PLEKHG5: variants seen among roughly 807,000 people sequenced by gnomAD.
PLEKHG5 encodes the protein pleckstrin homology and RhoGEF domain containing G5, also known as pleckstrin homology domain-containing family G member 5.
A neutral mutation model predicts 103.8 loss-of-function variants in PLEKHG5; 52 were observed. The observed-to-expected ratio is 0.50, with a 90% CI of 0.40 to 0.63. PLEKHG5 has a LOEUF of 0.63. PLEKHG5 is among the 30% of genes least tolerant of loss of function. PLEKHG5 has a pLI of 0.00. For synonymous variants in PLEKHG5, 592 were observed against 575.5 expected, an observed-to-expected ratio of 1.03 and a Z score of -0.41; for missense variants, 1,205 against 1,347.6, an observed-to-expected ratio of 0.89 and a Z score of 1.66.
Position 6,490,498 on chromosome 1 carries a change from C to G in PLEKHG5, c.-88+1139G>C, listed in dbSNP as rs887383341. 1 of 985,142 alleles carries G rather than the reference C, an allele frequency of 1.0e-6. No individual in the cohort carries two copies. The highest frequency in any genetic ancestry group is 1.8e-5 in the African/African-American group (1 of 57,120). The allele number at this position is 985,142 out of a possible 1,614,324, so 61.0% of individuals were successfully genotyped here. A position where few individuals can be genotyped will look rare whatever the true frequency, so the allele number is the denominator to read the frequency against. On this transcript the variant is annotated intron_variant, in intron 1 of 20. Transcript: ENST00000377728. This position sits in a 1 kb window ranked among gnomAD's most constrained non-coding sequence, Gnocchi z 8.0. ...GGTGTCTAAGGCTCTAAGGCTCGGGCCGAGACTGCCAAAGCCTCATGGGGC... is the reference window on the plus strand; with the variant it reads ...GGTGTCTAAGGCTCTAAGGCTCGGGGCGAGACTGCCAAAGCCTCATGGGGC...
In PLEKHG5 at chr1:6,470,759, G is replaced by T; in HGVS notation, c.1518C>A (p.Arg506=). The T allele has an allele frequency of 6.4e-7, 1 of 1,562,994 alleles. No homozygotes were observed. ...KSVLRKTEEP[R]AKEAVVAMIG... is the part of the protein sequence containing the mutation. ...CCATGGCGACGACGGCCTCCTTGGC[G>T]CGCGGCTCCTCGGTCTTCCTCAGCA... The change falls in exon 14 of 21, where the codon CGC becomes CGA. Residue 506 remains arginine, a synonymous_variant. Coordinates refer to ENST00000377728, the MANE Select transcript of PLEKHG5 (RefSeq NM_020631.6).
chr1:6,470,904 G>GA lies in PLEKHG5; in HGVS notation c.1393-21_1393-20insT. 1 of 1,353,528 alleles carries GA rather than the reference G, an allele frequency of 7.4e-7. No individual in the cohort carries two copies. The highest frequency in any genetic ancestry group is 9.6e-7 in the Non-Finnish European group (1 of 1,038,834). The allele number at this position is 1,353,528 out of a possible 1,614,324, so 83.8% of individuals were successfully genotyped here. ...CGCCCACTGCGGTGGGGGAGTGGGG[G>GA]CGGGCTCAGGGCAGGCCCCGCCCCA... On this transcript the variant is annotated intron_variant, in intron 13 of 20. Transcript: ENST00000377728.
upstream of PLEKHG5, among the ~76,000 whole-genome samples, chr1:6,498,489 A>G (rs1645258639): frequency 6.6e-6 from 1 of 152,118 alleles, no homozygotes; most frequent in Admixed American, 6.5e-5. Flanking sequence ...CACACTAAAG[A>G]TCCTCTGAGG....
rs953130712 is a variant in PLEKHG5 at position 6,505,400 on chromosome 1, G to T, written c.-164-8831C>A. Among the ~76,000 whole-genome samples the T allele has an allele frequency of 6.6e-6, 1 of 152,110 alleles. No homozygotes were observed. The highest frequency in any genetic ancestry group is 1.9e-4 in the East Asian group (1 of 5,192). On this transcript the variant is annotated intron_variant, in intron 1 of 21. Coordinates refer to the PLEKHG5 transcript ENST00000377740. This position sits in a 1 kb window ranked among gnomAD's most constrained non-coding sequence, Gnocchi z 4.2. ...CTGCCACCGCTGTTTGAAGCTCCCT[G>T]TGTGTCATCCCCATTAGTGCTCTCA...
chr1:6,515,825 C>G (rs1638596644), intron 1 of PLEKHG5, among the ~76,000 whole-genome samples: 1 of 152,208 alleles, frequency 6.6e-6, no homozygotes, highest in African/African-American at 2.4e-5. Flanking sequence ...CCCTGCTCCT[C>G]TGCCAAGAGC....
At chr1:6,516,023 C>T (rs868314714) in intron 1 of PLEKHG5, among the ~76,000 whole-genome samples, 36 of 152,320 alleles carry the variant, frequency 2.4e-4, no homozygotes, top group African/African-American at 8.2e-4. Flanking sequence ...TGAAATTGCT[C>T]ACAGCCTTCC....
In PLEKHG5 at chr1:6,475,520, T is replaced by A. The variant is rs1444881887; in HGVS notation, c.152A>T (p.Asp51Val). 1.2e-6 allele frequency: 2 copies of A among 1,613,236 alleles called. No homozygotes were observed. The highest frequency in any genetic ancestry group is 2.7e-5 in the African/African-American group (2 of 74,998). Reference protein sequence around the residue: ...EEESSVDGKGDRKSTGLKLSK... With the variant: ...EEESSVDGKGVRKSTGLKLSK... ...GAGTTTCAGGCCTGTGCTCTTCCGG[T>A]CCCTGCAGGGAAGCGAGGAGGGCAG... The change falls in exon 4 of 21, where the codon GAC becomes GTC. Residue 51 changes from aspartate to valine, a missense_variant and splice_region_variant. By Grantham distance (152) the Asp-to-Val change is radical (BLOSUM62 -3). Transcript: ENST00000377728.
chr1:6,519,597 T>C (rs1638719593), exon 1 of PLEKHG5: 1 of 991,536 alleles, frequency 1.0e-6, no homozygotes, highest in African/African-American at 1.6e-5. Flanking sequence ...CACACAGGTC[T>C]CCGTCCTGCT....
intron 1 of PLEKHG5, among the ~76,000 whole-genome samples, chr1:6,515,109 A>G (rs1638578853): frequency 6.6e-6 from 1 of 151,948 alleles, no homozygotes; most frequent in Admixed American, 6.5e-5. Flanking sequence ...TTTTGGATAT[A>G]ACAACAGCTA....
At position 6,469,125 on chromosome 1, in the gene PLEKHG5, C is replaced by CTCT. The variant is rs1269911284; in HGVS notation, c.2165_2166insAGA (p.Glu723dup). Reference sequence around the variant, plus strand: ...CTGAAGTGCCACTGTCCTCGCCTTCCTCCTCCTCCTCCTCCTCCTCCTCTT... The same window carrying CTCT: ...CTGAAGTGCCACTGTCCTCGCCTTCCTCTTCCTCCTCCTCCTCCTCCTCCTCTT... On this transcript the variant is annotated inframe_insertion, in exon 19 of 21. Transcript: ENST00000377728. The CTCT allele has an allele frequency of 3.7e-5, 43 of 1,156,392 alleles. No homozygotes were observed. Among genetic ancestry groups the CTCT allele is most frequent in the African/African-American group, 1.0e-4 (4 of 38,448 alleles). The allele number at this position is 1,156,392 out of a possible 1,614,324, so 71.6% of individuals were successfully genotyped here. A position where few individuals can be genotyped will look rare whatever the true frequency, so the allele number is the denominator to read the frequency against.
chr1:6,518,793 C>T (rs894580837), intron 1 of PLEKHG5, among the ~76,000 whole-genome samples: 5 of 152,226 alleles, frequency 3.3e-5, no homozygotes, highest in Admixed American at 6.5e-5. Flanking sequence ...TCCTCTAACA[C>T]GAGAGCCACA....
chr1:6,476,806 G>A (rs1034857542), intron 2 of PLEKHG5, among the ~76,000 whole-genome samples: 24 of 152,166 alleles, frequency 1.6e-4, no homozygotes, highest in African/African-American at 5.1e-4. Context: ...TCAGGCTGGA[G>A]TGCAGTGGCA....
upstream of PLEKHG5, chr1:6,497,355 C>G (rs948129158): frequency 9.3e-7 from 1 of 1,076,780 alleles, no homozygotes; most frequent in African/African-American, 1.7e-5. This position sits in a 1 kb window ranked among gnomAD's most constrained non-coding sequence, Gnocchi z 6.1. Context: ...GGGGGGCGGG[C>G]GGCGGGCGGG....
chr1:6,504,435 T>G (rs1638245387), intron 1 of PLEKHG5, among the ~76,000 whole-genome samples: 1 of 152,160 alleles, frequency 6.6e-6, no homozygotes, highest in African/African-American at 2.4e-5. Flanking sequence ...ACACTGTACC[T>G]GCCTCTCCTG....
rs202049535 is a variant in PLEKHG5, at chr1:6,474,170, T to C, written c.440-6A>G. 8.4e-4 allele frequency: 1,348 copies of C among 1,613,232 alleles called. 17 individuals are homozygous for C. In the African/African-American group the frequency reaches 0.016, roughly 19 times the overall value. ...ATCTCCAGGCTTGGCTGGGGCTGCA[T>C]GTGGGGGCCACGAGAGATCCTCAGT... On this transcript the variant is annotated splice_polypyrimidine_tract_variant and splice_region_variant and intron_variant, in intron 6 of 20. Transcript: ENST00000377728.
At position 6,469,453 on chromosome 1, in the gene PLEKHG5, G is replaced by C; in HGVS notation, c.1934-3C>G. ...CAGGTAGATAAGGAGGAAGGACCCT[G>C]GTTAGGGAAGGCCCAAGTCAGTGTC... On this transcript the variant is annotated splice_region_variant and splice_polypyrimidine_tract_variant and intron_variant, in intron 17 of 20. Coordinates refer to ENST00000377728, the MANE Select transcript of PLEKHG5 (RefSeq NM_020631.6). 1 of 1,613,692 alleles carries C rather than the reference G, an allele frequency of 6.2e-7. No homozygotes were observed. The highest frequency in any genetic ancestry group is 8.5e-7 in the Non-Finnish European group (1 of 1,179,770).
intron 4 of PLEKHG5, 127 bp downstream of exon 4, chr1:6,475,335 C>T (rs1226058918): frequency 1.2e-5 from 10 of 833,816 alleles, no homozygotes; most frequent in East Asian, 9.7e-5. Context: ...GGAACCCCAG[C>T]GATCTCCCAG....
chr1:6,504,187 G>C (rs1345384020), intron 1 of PLEKHG5, among the ~76,000 whole-genome samples: 1 of 152,158 alleles, frequency 6.6e-6, no homozygotes, highest in Non-Finnish European at 1.5e-5. Context: ...AAATAGAGCA[G>C]CCTGCCCCCG....
intron 2 of PLEKHG5, among the ~76,000 whole-genome samples, chr1:6,476,541 T>A (rs1429318515): frequency 1.3e-5 from 2 of 152,154 alleles, no homozygotes; most frequent in Non-Finnish European, 2.9e-5. Context: ...ACAAAGGCCC[T>A]GGGATGACAC....
Sources: gnomAD v4.1 joint callset for allele counts (sites outside exome capture counted in the v4.1 genomes callset) on GRCh38, gnomAD v4.1.1 for gene constraint, Gnocchi (gnomAD v3.1) non-coding constraint, MANE v1.5 for transcripts, NCBI Gene and HGNC (gene_info 2026-07-23, HGNC 2026-07-21) for gene names.